The following CTIF variants were observed in gnomAD, a reference collection of about 807,000 sequenced individuals.
CTIF encodes the protein cap binding complex dependent translation initiation factor.
A neutral mutation model predicts 66.0 loss-of-function variants in CTIF; 21 were observed. That is an observed-to-expected ratio of 0.32 (90% confidence interval 0.23 to 0.46). The LOEUF is 0.46. Ranked by LOEUF, CTIF falls within the 20% of genes least tolerant of loss-of-function variation. The pLI is 1.00. For synonymous variants in CTIF, 345 were observed against 326.4 expected (o/e 1.06, Z -0.62); for missense variants, 739 against 812.7 (o/e 0.91, Z 1.10).
intron 8 of CTIF, chr18:48,760,830 G>C (rs1009776817): frequency 2.0e-5 from 3 of 153,130 alleles, no homozygotes; most frequent in African/African-American, 7.2e-5. Context: ...GACCAGCACA[G>C]TCTCCACAGG....
At chr18:48,555,111 G>C (rs962197894) in intron 1 of CTIF, among the ~76,000 whole-genome samples, 3 of 152,210 alleles carry the variant, frequency 2.0e-5, no homozygotes, top group Non-Finnish European at 2.9e-5. Flanking sequence ...CTCCTAAAAT[G>C]GGGACACGGA....
chr18:48,625,258 G>A (rs1422635296), intron 2 of CTIF: 15 of 980,132 alleles, frequency 1.5e-5, no homozygotes, highest in East Asian at 1.1e-4. Flanking sequence ...GGAGGACTGC[G>A]GGGTGGTTCA....
At chr18:48,817,482 G>T in intron 10 of CTIF, 106 bp downstream of exon 10, 1 of 1,406,836 alleles carries the variant, frequency 7.1e-7, no homozygotes, top group Non-Finnish European at 9.6e-7. Flanking sequence ...CACTTAGAAA[G>T]GGACCCATCC....
chr18:48,727,985 G>A (rs573385906), intron 7 of CTIF, among the ~76,000 whole-genome samples: 1 of 152,106 alleles, frequency 6.6e-6, no homozygotes, highest in Non-Finnish European at 1.5e-5. Flanking sequence ...CTTTTAACTT[G>A]TCTCTCTCTT....
intron 6 of CTIF, among the ~76,000 whole-genome samples, chr18:48,682,076 G>A (rs763157617): frequency 9.2e-5 from 14 of 151,854 alleles, no homozygotes; most frequent in South Asian, 2.1e-4. Context: ...GTGAGCCACC[G>A]TGCCCAGCCC....
intron 3 of CTIF, among the ~76,000 whole-genome samples, chr18:48,642,581 T>C (rs2144683145): frequency 6.6e-6 from 1 of 152,270 alleles, no homozygotes; most frequent in East Asian, 1.9e-4. Flanking sequence ...GTGTGTGGGC[T>C]CAGATGTTGG....
At chr18:48,825,623 G>A (rs751739552) in intron 10 of CTIF, among the ~76,000 whole-genome samples, 64 of 152,240 alleles carry the variant, frequency 4.2e-4, no homozygotes, top group Non-Finnish European at 6.5e-4. Flanking sequence ...CTTTCCAGGC[G>A]GACCATTCCT....
At chr18:48,567,021 T>C (rs2089295168) in intron 1 of CTIF, 1 of 152,230 alleles carries the variant, frequency 6.6e-6, no homozygotes, top group African/African-American at 2.4e-5. Context: ...TCTCATTTAT[T>C]CACCAGATAT....
chr18:48,590,159 T>C (rs558142559), intron 1 of CTIF, among the ~76,000 whole-genome samples: 3 of 152,232 alleles, frequency 2.0e-5, no homozygotes, highest in Non-Finnish European at 4.4e-5. Context: ...CGTGGAAGTT[T>C]GGGACCCAAG....
intron 10 of CTIF, among the ~76,000 whole-genome samples, chr18:48,828,525 C>T (rs1215775382): frequency 1.3e-5 from 2 of 152,226 alleles, no homozygotes; most frequent in Non-Finnish European, 1.5e-5. Context: ...CTCCATCCAT[C>T]CTCCTAATTA....
intron 6 of CTIF, among the ~76,000 whole-genome samples, chr18:48,703,747 G>A (rs1041134432): frequency 1.3e-5 from 2 of 152,188 alleles, no homozygotes; most frequent in East Asian, 1.9e-4. Flanking sequence ...AGGGGCAGCA[G>A]CCCGGGGACT....
Position 48,647,194 on chromosome 18 carries a change from G to A in CTIF, c.252+10509G>A, listed in dbSNP as rs78986468. On this transcript the variant is annotated intron_variant, in intron 3 of 11. Transcript: ENST00000256413. ...ATGCTGAGTGATTTTCAAAAAGCCA[G>A]TCCTCCAAAGTCGCATACTCTGCAA... 4.6e-3 allele frequency among the ~76,000 whole-genome samples: 707 copies of A among 152,330 alleles called. 10 individuals carry two copies. The highest frequency in any genetic ancestry group is 0.016 in the African/African-American group (674 of 41,576).
intron 10 of CTIF, among the ~76,000 whole-genome samples, chr18:48,843,374 C>G (rs2068993156): frequency 6.6e-6 from 1 of 152,154 alleles, no homozygotes; most frequent in Non-Finnish European, 1.5e-5. Flanking sequence ...ATAACTCCAT[C>G]CTGTTCCCTG....
chr18:48,845,607 C>T (rs1366620583), intron 10 of CTIF, among the ~76,000 whole-genome samples: 1 of 152,168 alleles, frequency 6.6e-6, no homozygotes, highest in Non-Finnish European at 1.5e-5. Flanking sequence ...CTCCAGGTCA[C>T]CTCACTCACA....
intron 5 of CTIF, among the ~76,000 whole-genome samples, chr18:48,667,524 C>G (rs932253163): frequency 1.2e-4 from 18 of 152,098 alleles, no homozygotes; most frequent in Non-Finnish European, 1.2e-4. Flanking sequence ...CTACAGGTGC[C>G]CAATGGGGCC....
chr18:48,612,816 G>A (rs1243258196), intron 1 of CTIF, among the ~76,000 whole-genome samples: 4 of 152,308 alleles, frequency 2.6e-5, no homozygotes, highest in African/African-American at 9.6e-5. Flanking sequence ...CCTGCAGCGG[G>A]CCTGGGTTCC....
intron 3 of CTIF, among the ~76,000 whole-genome samples, chr18:48,655,525 C>A (rs1005880819): frequency 9.9e-5 from 15 of 152,152 alleles, no homozygotes; most frequent in Admixed American, 3.9e-4. Context: ...TCTGGAAGGA[C>A]ATCCTGCACT....
chr18:48,793,099 G>A (rs1265121901), intron 9 of CTIF, among the ~76,000 whole-genome samples: 1 of 152,162 alleles, frequency 6.6e-6, no homozygotes, highest in Non-Finnish European at 1.5e-5. Context: ...CTGATGACGG[G>A]GCTCTGACTC....
At position 48,573,963 on chromosome 18, in the gene CTIF, TC is replaced by T. The variant is rs545028558; in HGVS notation, c.-29+34655del. Among the ~76,000 whole-genome samples the T allele has an allele frequency of 1.1e-3, 165 of 152,334 alleles. 2 individuals are homozygous for T. Among genetic ancestry groups the T allele is most frequent in the Non-Finnish European group, 2.0e-3 (137 of 68,026 alleles). On this transcript the variant is annotated intron_variant, in intron 1 of 11. Coordinates refer to ENST00000256413, the MANE Select transcript of CTIF (RefSeq NM_014772.3). ...ATTACCCAGGGGGAAGGCAGTCGCA[TC>T]CCCAGCAGTGCTTGGCCATACAGGT...
Sources: gnomAD v4.1 joint callset for allele counts (sites outside exome capture counted in the v4.1 genomes callset) on GRCh38, gnomAD v4.1.1 for gene constraint, MANE v1.5 for transcripts, NCBI Gene and HGNC (gene_info 2026-07-23, HGNC 2026-07-21) for gene names.